The following TPD52L1 variants were observed in gnomAD, a reference collection of about 807,000 sequenced individuals.
TPD52L1 encodes tumor protein D53.
In TPD52L1, 18 loss-of-function variants were observed where a neutral mutation model predicts 28.7. The observed-to-expected ratio is 0.63, with a 90% CI of 0.43 to 0.93. The LOEUF (loss-of-function observed/expected upper bound fraction) is 0.93. TPD52L1 is among the 40% of genes least tolerant of loss of function. The pLI is 0.00. For synonymous variants in TPD52L1, 75 were observed against 88.8 expected (o/e 0.84, Z 0.88); for missense variants, 203 against 254.8 (o/e 0.80, Z 1.39).
At chr6:125,254,712 CTG>C (rs2115053534) in intron 5 of TPD52L1, among the ~76,000 whole-genome samples, 1 of 152,302 alleles carries the variant, frequency 6.6e-6, no homozygotes, top group Admixed American at 6.5e-5. Context: ...ATCTTTTCCT[CTG>C]TTTTTTAACT....
At chr6:125,155,807 C>T (rs914966498) in intron 1 of TPD52L1, among the ~76,000 whole-genome samples, 2 of 152,146 alleles carry the variant, frequency 1.3e-5, no homozygotes, top group African/African-American at 4.8e-5. Context: ...TATTGATGGA[C>T]TCATTTCCTG....
chr6:125,154,794 G>A (rs1389860124), intron 1 of TPD52L1, among the ~76,000 whole-genome samples: 1 of 152,180 alleles, frequency 6.6e-6, no homozygotes, highest in African/African-American at 2.4e-5. Context: ...GGAAGGAAAC[G>A]GACTCAGTGA....
At chr6:125,192,661 T>G (rs1793128435) in intron 1 of TPD52L1, among the ~76,000 whole-genome samples, 1 of 152,196 alleles carries the variant, frequency 6.6e-6, no homozygotes, top group Non-Finnish European at 1.5e-5. Context: ...CTTTTCTGAA[T>G]TAATAAGAAC....
chr6:125,241,318 T>TG (rs1265854318), intron 3 of TPD52L1, among the ~76,000 whole-genome samples: 8 of 152,112 alleles, frequency 5.3e-5, no homozygotes, highest in African/African-American at 1.9e-4. Flanking sequence ...GCATTACATT[T>TG]GGTGATACCA....
At chr6:125,168,134 C>A (rs2114765397) in intron 1 of TPD52L1, among the ~76,000 whole-genome samples, 1 of 152,160 alleles carries the variant, frequency 6.6e-6, no homozygotes, top group Non-Finnish European at 1.5e-5. Flanking sequence ...TAATGGAGAG[C>A]AACAGTAGAA....
Position 125,221,930 on chromosome 6 carries a change from A to G in TPD52L1, c.135+1737A>G, listed in dbSNP as rs549329492. ...AGATGAAGAAGTACCGCATGCTGCC[A>G]AAGGTAGCGTCGTGACTTCCAGGGG... is the stretch of plus-strand genomic sequence containing the variant. On this transcript the variant is annotated intron_variant, in intron 2 of 6. Coordinates refer to ENST00000534000, the MANE Select transcript of TPD52L1 (RefSeq NM_003287.4). 106 of 152,332 alleles carry G rather than the reference A, an allele frequency of 7.0e-4. 1 individual carries two copies. Among genetic ancestry groups the G allele is most frequent in the Middle Eastern group, 3.4e-3 (1 of 294 alleles). The allele number at this position is 152,332 out of a possible 1,614,324, so 9.4% of individuals were successfully genotyped here.
chr6:125,215,881 G>T (rs1469469406), intron 1 of TPD52L1, among the ~76,000 whole-genome samples: 1 of 152,172 alleles, frequency 6.6e-6, no homozygotes, highest in African/African-American at 2.4e-5. Context: ...ATTCCCTGGA[G>T]CATGTCTTCT....
At chr6:125,189,085 T>C (rs1472396689) in intron 1 of TPD52L1, among the ~76,000 whole-genome samples, 1 of 152,228 alleles carries the variant, frequency 6.6e-6, no homozygotes, top group Non-Finnish European at 1.5e-5. Flanking sequence ...ACTGGTCATC[T>C]TGGTATAAAT....
intron 1 of TPD52L1, among the ~76,000 whole-genome samples, chr6:125,201,894 AT>A (rs1318850282): frequency 6.6e-6 from 1 of 152,136 alleles, no homozygotes; most frequent in Non-Finnish European, 1.5e-5. Flanking sequence ...AGGAAAAAGG[AT>A]TTTTTTCCTG....
At chr6:125,234,515 T>C (rs1386708512) in intron 3 of TPD52L1, 2 of 152,190 alleles carry the variant, frequency 1.3e-5, no homozygotes, top group Non-Finnish European at 2.9e-5. Context: ...ATCTTACACA[T>C]TCCTGCTTTT....
intron 3 of TPD52L1, among the ~76,000 whole-genome samples, chr6:125,234,960 G>A (rs535879768): frequency 6.8e-4 from 103 of 152,020 alleles, no homozygotes; most frequent in African/African-American, 2.4e-3. Context: ...CAAATATGGT[G>A]GCGTGCACCT....
intron 2 of TPD52L1, among the ~76,000 whole-genome samples, chr6:125,223,605 A>G (rs1441217769): frequency 6.8e-6 from 1 of 146,722 alleles, no homozygotes; most frequent in Non-Finnish European, 1.5e-5. Context: ...GCTACTTGGG[A>G]GGCTGAGGCA....
At chr6:125,242,274 G>A (rs1202665740) in intron 3 of TPD52L1, among the ~76,000 whole-genome samples, 1 of 152,038 alleles carries the variant, frequency 6.6e-6, no homozygotes, top group Non-Finnish European at 1.5e-5. Context: ...GCAATTGTTT[G>A]GTAGAATGTT....
chr6:125,215,527 G>A (rs757716060), intron 1 of TPD52L1, among the ~76,000 whole-genome samples: 12 of 152,208 alleles, frequency 7.9e-5, no homozygotes, highest in Non-Finnish European at 1.5e-4. Context: ...CTTAAACCTA[G>A]ACTAACTAGC....
intron 1 of TPD52L1, among the ~76,000 whole-genome samples, chr6:125,186,389 A>G (rs900064414): frequency 6.6e-6 from 1 of 152,196 alleles, no homozygotes; most frequent in African/African-American, 2.4e-5. Flanking sequence ...AAAATAGGCC[A>G]TGGGTGGATT....
At chr6:125,240,587 A>T (rs767974805) in intron 3 of TPD52L1, among the ~76,000 whole-genome samples, 5 of 151,988 alleles carry the variant, frequency 3.3e-5, no homozygotes, top group Non-Finnish European at 7.4e-5. Flanking sequence ...TTTTGCAGCT[A>T]TCGTAAAAGG....
At chr6:125,229,373 G>GAA in intron 3 of TPD52L1, 107 bp downstream of exon 3, 1 of 1,110,104 alleles carries the variant, frequency 9.0e-7, no homozygotes, top group Non-Finnish European at 1.2e-6. Flanking sequence ...ATGAAGCTAG[G>GAA]AAAAAAAAAT....
chr6:125,161,635 G>A (rs1315249938), intron 1 of TPD52L1, among the ~76,000 whole-genome samples: 2 of 152,146 alleles, frequency 1.3e-5, no homozygotes, highest in East Asian at 3.8e-4. Context: ...GCCAGGGACA[G>A]GGAGAGAGAT....
At chr6:125,220,845 C>A (rs1296060872) in intron 2 of TPD52L1, among the ~76,000 whole-genome samples, 1 of 152,176 alleles carries the variant, frequency 6.6e-6, no homozygotes, top group Non-Finnish European at 1.5e-5. Context: ...AGACACTTTG[C>A]TGACAAGCCT....
Sources: gnomAD v4.1 joint callset for allele counts (sites outside exome capture counted in the v4.1 genomes callset) on GRCh38, gnomAD v4.1.1 for gene constraint, MANE v1.5 for transcripts, NCBI Gene and HGNC (gene_info 2026-07-23, HGNC 2026-07-21) for gene names.